PDE4D: variants seen among roughly 807,000 people sequenced by gnomAD.
PDE4D encodes the protein phosphodiesterase 4D.
In PDE4D, 24 loss-of-function variants were observed where a neutral mutation model predicts 87.4. The ratio of observed to expected loss-of-function variants is 0.27; its 90% CI spans 0.20 to 0.39. PDE4D has a LOEUF of 0.39. Among genes scored for constraint, PDE4D ranks in the 10% least tolerant of loss-of-function variants. The pLI, the probability that PDE4D is intolerant of heterozygous loss-of-function variation, is 1.00. For synonymous variants in PDE4D, 384 were observed against 383.2 expected (o/e 1.00, Z -0.02); for missense variants, 714 against 1,041.0 (o/e 0.69, Z 4.32).
intron 1 of PDE4D, among the ~76,000 whole-genome samples, chr5:59,613,648 A>G (rs1829282920): frequency 6.6e-6 from 1 of 152,158 alleles, no homozygotes; most frequent in Non-Finnish European, 1.5e-5. Flanking sequence ...GACCCTGGGG[A>G]AGAGAGTTGT....
intron 3 of PDE4D, among the ~76,000 whole-genome samples, chr5:59,909,544 A>G (rs1162718362): frequency 6.6e-6 from 1 of 151,928 alleles, no homozygotes; most frequent in Non-Finnish European, 1.5e-5. Context: ...ACAGGCACAC[A>G]CCACCACTTT....
At chr5:60,145,235 T>A (rs939045703) in intron 2 of PDE4D, among the ~76,000 whole-genome samples, 1 of 152,224 alleles carries the variant, frequency 6.6e-6, no homozygotes, top group Admixed American at 6.5e-5. Flanking sequence ...AAGAAGTTAA[T>A]ATATTTTCTG....
intron 3 of PDE4D, among the ~76,000 whole-genome samples, chr5:59,189,384 G>A (rs947811944): frequency 6.6e-6 from 1 of 151,728 alleles, no homozygotes; most frequent in Non-Finnish European, 1.5e-5. Context: ...TCAAATCAGG[G>A]ATATCTCCTT....
chr5:59,443,188 C>T lies in PDE4D; in HGVS notation c.456-227220G>A, dbSNP rs1400287781. Among the ~76,000 whole-genome samples the T allele has an allele frequency of 3.0e-4, 46 of 152,120 alleles. 1 individual carries two copies. Among genetic ancestry groups the T allele is most frequent in the African/African-American group, 2.4e-5 (1 of 41,402 alleles). ...GAGTTCAGGGAATGTAAAATCAATG[C>T]TCGCATGAAGTAAACTAATTCAGTT... On this transcript the variant is annotated intron_variant, in intron 1 of 14. Transcript: ENST00000340635.
chr5:59,957,665 C>G (rs1305879191), intron 3 of PDE4D, among the ~76,000 whole-genome samples: 2 of 151,908 alleles, frequency 1.3e-5, no homozygotes, highest in Non-Finnish European at 2.9e-5. Flanking sequence ...ATATTTATTT[C>G]TAATAAATTA....
chr5:59,390,700 T>C (rs561215553), intron 1 of PDE4D, among the ~76,000 whole-genome samples: 7 of 152,084 alleles, frequency 4.6e-5, no homozygotes, highest in African/African-American at 1.7e-4. Context: ...TTGTGACTTA[T>C]GAAGAACTTT....
At chr5:60,019,584 T>C (rs553630378) in intron 2 of PDE4D, among the ~76,000 whole-genome samples, 5 of 152,352 alleles carry the variant, frequency 3.3e-5, no homozygotes, top group East Asian at 1.9e-4. Context: ...TTTGATGTTA[T>C]GGAGATGGCT....
At chr5:59,353,858 G>T (rs569851644) in intron 1 of PDE4D, among the ~76,000 whole-genome samples, 1 of 152,030 alleles carries the variant, frequency 6.6e-6, no homozygotes, top group East Asian at 1.9e-4. Context: ...ATAAAAAATT[G>T]TCACAGCTGA....
intron 3 of PDE4D, among the ~76,000 whole-genome samples, chr5:59,937,719 C>T (rs1032616022): frequency 2.6e-5 from 4 of 152,174 alleles, no homozygotes; most frequent in Non-Finnish European, 5.9e-5. Context: ...ACACAGTTGC[C>T]TCAACATTTG....
intron 5 of PDE4D, among the ~76,000 whole-genome samples, chr5:59,147,871 A>G (rs1247307094): frequency 6.6e-6 from 1 of 152,168 alleles, no homozygotes; most frequent in Non-Finnish European, 1.5e-5. Context: ...TCATTTGTAG[A>G]GTTTTTACTT....
intron 1 of PDE4D, among the ~76,000 whole-genome samples, chr5:59,809,046 C>T (rs1467413978): frequency 2.0e-5 from 3 of 152,052 alleles, no homozygotes; most frequent in Non-Finnish European, 4.4e-5. Flanking sequence ...GTCACTACCC[C>T]GTAATTTAAA....
At chr5:59,519,235 G>A (rs1349562598) in intron 1 of PDE4D, among the ~76,000 whole-genome samples, 2 of 152,160 alleles carry the variant, frequency 1.3e-5, no homozygotes, top group Admixed American at 1.3e-4. Context: ...ACAGAAAAAA[G>A]CCCTTGCCCT....
intron 1 of PDE4D, among the ~76,000 whole-genome samples, chr5:59,567,962 C>A (rs758362082): frequency 1.3e-5 from 2 of 152,232 alleles, no homozygotes; most frequent in Non-Finnish European, 2.9e-5. Flanking sequence ...GCTCTGTCAG[C>A]CAAGAAGGCC....
intron 2 of PDE4D, among the ~76,000 whole-genome samples, chr5:60,095,028 A>G (rs1357669358): frequency 6.6e-6 from 1 of 152,126 alleles, no homozygotes; most frequent in Non-Finnish European, 1.5e-5. Context: ...ATAATTTTTT[A>G]ACATATTTCT....
At position 59,893,375 on chromosome 5, in the gene PDE4D, G is replaced by T; in HGVS notation, c.248C>A (p.Pro83Gln). The change falls in exon 1 of 15, where the codon CCG becomes CAG. Residue 83 changes from proline (P) to glutamine (Q), a missense_variant. Transcript: ENST00000340635. ...GGCAGCCCCGGGCGGCGGCGGGGGC[G>T]GCGGCAGGGGGGGCGGCGGCGGCGG... ...LQPPPPPPLP[P>Q]PPPPPGAARG... The T allele has an allele frequency of 8.0e-7, 1 of 1,245,554 alleles. No individual in the cohort carries two copies. Among genetic ancestry groups the T allele is most frequent in the Non-Finnish European group, 1.0e-6 (1 of 995,776 alleles). 77.2% of individuals were successfully genotyped at this position (1,245,554 alleles called of 1,614,324 possible).
chr5:59,347,681 A>T (rs900537898), intron 1 of PDE4D, among the ~76,000 whole-genome samples: 2 of 152,160 alleles, frequency 1.3e-5, no homozygotes, highest in Non-Finnish European at 2.9e-5. Flanking sequence ...TATATTGTAA[A>T]CTGCTCCTCT....
chr5:60,377,012 G>A (rs765431312), intron 1 of PDE4D, among the ~76,000 whole-genome samples: 3 of 152,184 alleles, frequency 2.0e-5, no homozygotes, highest in Non-Finnish European at 2.9e-5. Context: ...TTCACCAATA[G>A]TAAGTTTCAC....
exon 3 of PDE4D, chr5:59,988,707 T>C (rs747003769): frequency 6.3e-7 from 1 of 1,580,748 alleles, no homozygotes; most frequent in Admixed American, 1.7e-5. Context: ...ATGTAGTGTT[T>C]CCTCAGAGGC....
At chr5:59,781,631 C>G (rs988038618) in intron 1 of PDE4D, among the ~76,000 whole-genome samples, 1 of 151,426 alleles carries the variant, frequency 6.6e-6, no homozygotes, top group Admixed American at 6.6e-5. Flanking sequence ...ACTAAAAATG[C>G]AAATATTAGC....
Sources: allele counts gnomAD v4.1 joint callset (sites outside exome capture counted in the v4.1 genomes callset), GRCh38; gene constraint gnomAD v4.1.1; transcripts MANE v1.5; gene names NCBI Gene and HGNC (gene_info 2026-07-23, HGNC 2026-07-21).